Variants in BBX observed in about 807,000 individuals in gnomAD.
The protein encoded by BBX is HMG box transcription factor BBX.
Under a neutral mutation model 100.2 loss-of-function variants are expected in BBX, and 30 were observed. The observed-to-expected ratio is 0.30, with a 90% CI of 0.22 to 0.41. BBX has a LOEUF of 0.41. BBX is among the 10% of genes least tolerant of loss of function. The pLI, the probability that BBX is intolerant of heterozygous loss-of-function variation, is 1.00. For synonymous variants in BBX, 376 were observed against 388.1 expected (o/e 0.97, Z 0.37); for missense variants, 1,023 against 1,129.8 (o/e 0.91, Z 1.35).
intron 15 of BBX, among the ~76,000 whole-genome samples, chr3:107,797,337 A>C (rs6148004): frequency 1.0e-4 from 4 of 39,326 alleles, no homozygotes; most frequent in Admixed American, 3.5e-4. Context: ...TTTTCTTCCA[A>C]ATATATATAT....
intron 3 of BBX, among the ~76,000 whole-genome samples, chr3:107,652,619 A>AT (rs2057906025): frequency 6.6e-6 from 1 of 152,230 alleles, no homozygotes; most frequent in East Asian, 1.9e-4. Context: ...GTATGAATAT[A>AT]TTCAGGCATG....
At chr3:107,781,382 C>T (rs1198626581) in intron 13 of BBX, among the ~76,000 whole-genome samples, 1 of 152,036 alleles carries the variant, frequency 6.6e-6, no homozygotes, top group Admixed American at 6.6e-5. Flanking sequence ...TAGAACAGAG[C>T]ATGATGACAG....
intron 2 of BBX, among the ~76,000 whole-genome samples, chr3:107,581,718 T>G (rs894247343): frequency 6.6e-6 from 1 of 152,124 alleles, no homozygotes; most frequent in Non-Finnish European, 1.5e-5. Context: ...AACCAGGAAC[T>G]TAAGAATTTG....
chr3:107,583,990 A>G (rs1227305200), intron 2 of BBX, among the ~76,000 whole-genome samples: 2 of 57,438 alleles, frequency 3.5e-5, no homozygotes, highest in South Asian at 7.4e-4. Flanking sequence ...ATTATTATAT[A>G]TTATTATATT....
At chr3:107,645,716 G>T (rs1430359805) in intron 2 of BBX, 120 bp from the exon 3 acceptor site, 1 of 152,482 alleles carries the variant, frequency 6.6e-6, no homozygotes, top group African/African-American at 2.4e-5. Flanking sequence ...CATGTTGATT[G>T]TTTGGCTGGT....
intron 3 of BBX, among the ~76,000 whole-genome samples, chr3:107,681,912 A>G (rs1027419231): frequency 6.6e-6 from 1 of 152,138 alleles, no homozygotes; most frequent in African/African-American, 2.4e-5. Context: ...CCTGCTGACC[A>G]TAAAAGTCAG....
chr3:107,544,225 C>A (rs2107379062), intron 2 of BBX, among the ~76,000 whole-genome samples: 1 of 152,262 alleles, frequency 6.6e-6, no homozygotes, highest in East Asian at 1.9e-4. Context: ...TATTCTGCTC[C>A]TTTGTGTAAA....
intron 2 of BBX, among the ~76,000 whole-genome samples, chr3:107,552,312 C>G (rs2049755969): frequency 7.3e-6 from 1 of 137,874 alleles, no homozygotes; most frequent in African/African-American, 2.7e-5. Context: ...CCACACTGCA[C>G]TCCAGCCTGG....
At chr3:107,704,293 A>T (rs1214805592) in intron 3 of BBX, among the ~76,000 whole-genome samples, 2 of 152,244 alleles carry the variant, frequency 1.3e-5, no homozygotes, top group Non-Finnish European at 2.9e-5. Flanking sequence ...TAGATGAGGA[A>T]ATTATAAGCC....
chr3:107,528,710 CGTAA>C (rs1167261372), intron 2 of BBX, among the ~76,000 whole-genome samples: 9 of 152,078 alleles, frequency 5.9e-5, no homozygotes, highest in East Asian at 1.9e-4. Context: ...TGGCCTGTGC[CGTAA>C]GTAACTACGT....
Position 107,797,911 on chromosome 3 carries a change from C to T in BBX, c.2354-612C>T, listed in dbSNP as rs118166375. ...TTAAATTATCTCACTAAGTGTATTC[C>T]TTGTTTTAGAATTCAGTGAATGAAA... On this transcript the variant is annotated intron_variant, in intron 15 of 17. Coordinates refer to ENST00000325805, the MANE Select transcript of BBX (RefSeq NM_001142568.3). Among the ~76,000 whole-genome samples the T allele has an allele frequency of 3.1e-4, 47 of 152,302 alleles. No homozygotes were observed. The East Asian group carries it at 8.7e-3, about 28-fold the overall frequency.
At chr3:107,709,591 A>AT (rs1282228300) in intron 3 of BBX, among the ~76,000 whole-genome samples, 2 of 152,212 alleles carry the variant, frequency 1.3e-5, no homozygotes, top group African/African-American at 4.8e-5. Context: ...TTCTATTTTA[A>AT]CATTACTTTG....
chr3:107,786,422 G>T (rs1380279910), intron 13 of BBX, among the ~76,000 whole-genome samples: 2 of 152,158 alleles, frequency 1.3e-5, no homozygotes, highest in African/African-American at 2.4e-5. Context: ...GTAATCAAGA[G>T]AGTGTTGTAC....
chr3:107,563,614 A>G (rs1043737162), intron 2 of BBX, among the ~76,000 whole-genome samples: 3 of 152,240 alleles, frequency 2.0e-5, no homozygotes, highest in Non-Finnish European at 4.4e-5. Flanking sequence ...TCAAAAACCA[A>G]TACATTTCAG....
At chr3:107,608,011 G>A (rs1576477339) in intron 2 of BBX, among the ~76,000 whole-genome samples, 1 of 152,086 alleles carries the variant, frequency 6.6e-6, no homozygotes, top group African/African-American at 2.4e-5. Context: ...TCTGTGGGTT[G>A]TCTCTTCACT....
intron 15 of BBX, among the ~76,000 whole-genome samples, 180 bp downstream of exon 15, chr3:107,791,479 G>A (rs1559757816): frequency 6.6e-6 from 1 of 152,170 alleles, no homozygotes; most frequent in Admixed American, 6.5e-5. Context: ...TCCTGCCAAG[G>A]GTCAGGCAAT....
rs1249378404 is a variant in BBX, at chr3:107,798,665, T to A, written c.2496T>A (p.Ile832=). Residue 832 remains isoleucine, a synonymous_variant, in exon 16 of 18, where the codon ATT becomes ATA. Transcript: ENST00000325805. ...AGAGAAAAGCAAGGAAAACCAAGATTACACACCTTGTCAGGACAGCAGATG... is the reference window on the plus strand; with the variant it reads ...AGAGAAAAGCAAGGAAAACCAAGATAACACACCTTGTCAGGACAGCAGATG... ...SQKRKARKTK[I]THLVRTADGR... 1.9e-6 allele frequency: 3 copies of A among 1,613,782 alleles called. No homozygotes were observed. The highest frequency in any genetic ancestry group is 2.5e-6 in the Non-Finnish European group (3 of 1,179,980).
rs764047750 is a variant in BBX at position 107,798,736 on chromosome 3, T to C, written c.2551+16T>C. ...GGTACTTTGGGTAAGAAGAGAGAGC[T>C]TTAGACCAGAGGTGTCCAATCTTTT... On this transcript the variant is annotated intron_variant, in intron 16 of 17. Coordinates refer to ENST00000325805, the MANE Select transcript of BBX (RefSeq NM_001142568.3). The C allele has an allele frequency of 6.2e-7, 1 of 1,611,942 alleles. No individual in the cohort carries two copies. The highest frequency in any genetic ancestry group is 1.1e-5 in the South Asian group (1 of 90,910).
intron 2 of BBX, among the ~76,000 whole-genome samples, chr3:107,553,407 A>G (rs1277736864): frequency 6.6e-6 from 1 of 152,080 alleles, no homozygotes. Flanking sequence ...GGTCATTCTA[A>G]CTCTAGAGGC....
Sources: gnomAD v4.1 joint callset for allele counts (sites outside exome capture counted in the v4.1 genomes callset) on GRCh38, gnomAD v4.1.1 for gene constraint, MANE v1.5 for transcripts, NCBI Gene and HGNC (gene_info 2026-07-23, HGNC 2026-07-21) for gene names.